The following PPP6R2 variants were observed in gnomAD, a reference collection of about 807,000 sequenced individuals.
The protein encoded by PPP6R2 is protein phosphatase 6 regulatory subunit 2.
A neutral mutation model predicts 100.2 loss-of-function variants in PPP6R2; 62 were observed. That is an observed-to-expected ratio of 0.62 (90% CI 0.50 to 0.76). The LOEUF is 0.76. Among genes scored for constraint, PPP6R2 ranks in the 30% least tolerant of loss-of-function variants. PPP6R2 has a pLI of 0.00. For synonymous variants in PPP6R2, 525 were observed against 514.7 expected (o/e 1.02, Z -0.27); for missense variants, 1,142 against 1,276.3 (o/e 0.89, Z 1.60).
chr22:50,432,415 G>A (rs1282717076), intron 12 of PPP6R2, 86 bp downstream of exon 12: 26 of 1,275,058 alleles, frequency 2.0e-5, no homozygotes, highest in African/African-American at 1.6e-4. Context: ...GTGACGCTGC[G>A]TGCAGGACTG....
chr22:50,332,323 G>A, the PPP6R2 span, among the ~76,000 whole-genome samples: 25 of 151,374 alleles, frequency 1.7e-4, no homozygotes, highest in African/African-American at 5.3e-4. Context: ...CGCCTCCCAG[G>A]TTCACCCCCC....
At chr22:50,440,498 G>A (rs12171249) in intron 21 of PPP6R2, among the ~76,000 whole-genome samples, 36,392 of 152,192 alleles carry the variant, frequency 0.24, 4,678 homozygotes, top group Middle Eastern at 0.34. Context: ...TGGTGTCCCC[G>A]GTTTTGGGGT....
rs1339151264 is a variant in PPP6R2 at position 50,434,528 on chromosome 22, C to T, written c.1401-438C>T. 2.6e-5 allele frequency among the ~76,000 whole-genome samples: 2 copies of T among 76,230 alleles called. 1 individual carries two copies. Among genetic ancestry groups the T allele is most frequent in the Non-Finnish European group, 4.8e-5 (2 of 41,254 alleles). 50.0% of individuals were successfully genotyped at this position (76,230 alleles called of 152,430 possible). A position where few individuals can be genotyped will look rare whatever the true frequency, so the allele number is the denominator to read the frequency against. ...CCTGGAGGTGAACCTGGAGGAGGGC[C>T]GGGGGCGCGGACGCTGGGCAGGGGC... On this transcript the variant is annotated intron_variant, in intron 12 of 23. Transcript: ENST00000612753.
At position 50,382,994 on chromosome 22, in the gene PPP6R2, C is replaced by A. The variant is rs138647890; in HGVS notation, c.-17+10844C>A. ...CTGTGATTACAGGGATATGCCATCACGCCTGGCTAATTTTTGTGTTTTTAG... is the reference window on the plus strand; with the variant it reads ...CTGTGATTACAGGGATATGCCATCAAGCCTGGCTAATTTTTGTGTTTTTAG... On this transcript the variant is annotated intron_variant, in intron 2 of 23. Coordinates refer to ENST00000612753, the MANE Select transcript of PPP6R2 (RefSeq NM_001242898.2). 2.8e-3 allele frequency among the ~76,000 whole-genome samples: 428 copies of A among 152,158 alleles called. 1 individual carries two copies. Among genetic ancestry groups the A allele is most frequent in the African/African-American group, 9.5e-3 (393 of 41,508 alleles).
chr22:50,422,245 C>T lies in PPP6R2; in HGVS notation c.846-9C>T, dbSNP rs201685856. The T allele has an allele frequency of 9.9e-6, 16 of 1,612,106 alleles. No homozygotes were observed. In the Middle Eastern group the frequency reaches 6.6e-4, roughly 67 times the overall value. On this transcript the variant is annotated splice_polypyrimidine_tract_variant and intron_variant, in intron 8 of 23. Coordinates refer to ENST00000612753, the MANE Select transcript of PPP6R2 (RefSeq NM_001242898.2). ...GTCCCCGGTCTCCATCTGCTTTCCT[C>T]ATCCACAGGACAGAGGGCTTGGTGG...
rs190642574 is a variant in PPP6R2, at chr22:50,405,147, G to T, written c.228-1542G>T. Among the ~76,000 whole-genome samples the T allele has an allele frequency of 2.1e-3, 314 of 152,348 alleles. 2 individuals carry two copies. The highest frequency in any genetic ancestry group is 7.3e-3 in the African/African-American group (302 of 41,574). ...GAGTGGTCTGTGTTTGTTGATGGAA[G>T]GGGCATGGCTTAGAAGGAAAGGAGA... On this transcript the variant is annotated intron_variant, in intron 3 of 23. Transcript: ENST00000612753.
At chr22:50,397,971 GC>G (rs1944273800) in intron 3 of PPP6R2, among the ~76,000 whole-genome samples, 2 of 142,516 alleles carry the variant, frequency 1.4e-5, no homozygotes, top group African/African-American at 2.7e-5. Context: ...TGGGATGGGG[GC>G]AGGGGGGCCT....
intron 1 of PPP6R2, among the ~76,000 whole-genome samples, chr22:50,363,064 A>G (rs746771144): frequency 6.8e-4 from 103 of 152,300 alleles, no homozygotes; most frequent in Non-Finnish European, 1.1e-3. Context: ...ATAGTGTTCA[A>G]AAGTTAATTA....
chr22:50,416,632 A>T (rs1204131716), intron 6 of PPP6R2, among the ~76,000 whole-genome samples: 2 of 151,930 alleles, frequency 1.3e-5, no homozygotes, highest in Non-Finnish European at 2.9e-5. Flanking sequence ...TGCCTGGCCT[A>T]CACTTTTTTT....
Position 50,423,670 on chromosome 22 carries a change from G to C in PPP6R2, c.1125+56G>C, listed in dbSNP as rs1047358779. The stretch of plus-strand genomic sequence containing the variant: ...TCTGTGAGTGTGCCGGGCATGGCCT[G>C]TGGACTTGTCAGGAGCAGCAGAGCA... On this transcript the variant is annotated intron_variant, in intron 10 of 23. Transcript: ENST00000612753. This position sits in a 1 kb window ranked among gnomAD's most constrained non-coding sequence, Gnocchi z 4.8. 5 of 1,599,748 alleles carry C rather than the reference G, an allele frequency of 3.1e-6. No individual in the cohort carries two copies. The Admixed American group carries it at 5.1e-5, about 16-fold the overall frequency.
chr22:50,431,521 G>A lies in PPP6R2; in HGVS notation c.1335+139G>A. Reference sequence around the variant, plus strand: ...CTTTGAAAAGGGTCCCCAGGTGTCTGGTCAGACGCTCGTAGACAGTGGGGC... The same window carrying A: ...CTTTGAAAAGGGTCCCCAGGTGTCTAGTCAGACGCTCGTAGACAGTGGGGC... On this transcript the variant is annotated intron_variant, in intron 11 of 23. Coordinates refer to ENST00000612753, the MANE Select transcript of PPP6R2 (RefSeq NM_001242898.2). The surrounding 1 kb of genome is among the most constrained non-coding windows in gnomAD (Gnocchi z 4.8). The A allele has an allele frequency of 1.3e-6, 1 of 740,798 alleles. No homozygotes were observed. Among genetic ancestry groups the A allele is most frequent in the Non-Finnish European group, 2.2e-6 (1 of 458,762 alleles). The allele number at this position is 740,798 out of a possible 1,614,324, so 45.9% of individuals were successfully genotyped here.
intron 2 of PPP6R2, among the ~76,000 whole-genome samples, chr22:50,381,882 C>G (rs113305078): frequency 6.9e-6 from 1 of 144,068 alleles, no homozygotes; most frequent in African/African-American, 2.6e-5. Flanking sequence ...CACTCCAGCC[C>G]GGGTGACAGA....
At chr22:50,397,544 G>T (rs1277645295) in intron 3 of PPP6R2, among the ~76,000 whole-genome samples, 2 of 118,146 alleles carry the variant, frequency 1.7e-5, no homozygotes, top group African/African-American at 8.0e-5. Context: ...GATGCTGGGG[G>T]GCAGGGGGCC....
chr22:50,350,440 A>G (rs1057287268), intron 1 of PPP6R2, among the ~76,000 whole-genome samples: 1 of 149,964 alleles, frequency 6.7e-6, no homozygotes, highest in African/African-American at 2.5e-5. Flanking sequence ...CATGTTGGCC[A>G]GGCTGGTCTC....
At chr22:50,406,968 C>A in intron 4 of PPP6R2, 93 bp downstream of exon 4, 1 of 1,291,506 alleles carries the variant, frequency 7.7e-7, no homozygotes. Flanking sequence ...ACTCATCCTC[C>A]GGCCGCGGGA....
At chr22:50,353,817 C>CT (rs111868603) in intron 1 of PPP6R2, among the ~76,000 whole-genome samples, 3,701 of 137,338 alleles carry the variant, frequency 0.027, 99 homozygotes, top group African/African-American at 0.07. Context: ...AAGCCTCTCC[C>CT]TTTTTTTTTT....
intron 2 of PPP6R2, among the ~76,000 whole-genome samples, chr22:50,379,831 C>A (rs2052480051): frequency 6.6e-6 from 1 of 152,124 alleles, no homozygotes; most frequent in Non-Finnish European, 1.5e-5. Context: ...CGTGATCACA[C>A]CACCATACTC....
intron 3 of PPP6R2, among the ~76,000 whole-genome samples, chr22:50,397,467 A>G (rs912752272): frequency 2.6e-5 from 4 of 152,020 alleles, no homozygotes; most frequent in Non-Finnish European, 5.9e-5. Flanking sequence ...ATTTAGAAAC[A>G]TGGAGGTTAA....
At chr22:50,389,033 G>A (rs2054866974) in intron 2 of PPP6R2, 1 of 152,194 alleles carries the variant, frequency 6.6e-6, no homozygotes, top group African/African-American at 2.4e-5. Context: ...TTCTGTTGCA[G>A]TCTACCTTCT....
Sources: gnomAD v4.1 joint callset for allele counts (sites outside exome capture counted in the v4.1 genomes callset) on GRCh38, gnomAD v4.1.1 for gene constraint, Gnocchi (gnomAD v3.1) non-coding constraint, MANE v1.5 for transcripts, NCBI Gene and HGNC (gene_info 2026-07-23, HGNC 2026-07-21) for gene names.